The following ANKRD13C variants were observed in gnomAD, a reference collection of about 807,000 sequenced individuals.
ANKRD13C encodes ankyrin repeat domain 13C.
A neutral mutation model predicts 65.5 loss-of-function variants in ANKRD13C; 16 were observed. The observed-to-expected ratio is 0.24, with a 90% CI of 0.17 to 0.37. ANKRD13C has a LOEUF of 0.37. ANKRD13C is among the 10% of genes least tolerant of loss of function. The pLI, the probability that ANKRD13C is intolerant of heterozygous loss-of-function variation, is 1.00. For synonymous variants in ANKRD13C, 235 were observed against 238.7 expected (o/e 0.98, Z 0.14); for missense variants, 503 against 655.9 (o/e 0.77, Z 2.55).
At chr1:70,328,792 C>T (rs1008164999) in intron 2 of ANKRD13C, among the ~76,000 whole-genome samples, 1 of 152,000 alleles carries the variant, frequency 6.6e-6, no homozygotes, top group Non-Finnish European at 1.5e-5. Context: ...TTTTAACATG[C>T]ATTACCATAT....
At chr1:70,338,040 G>A (rs1462436783) in intron 1 of ANKRD13C, among the ~76,000 whole-genome samples, 2 of 151,914 alleles carry the variant, frequency 1.3e-5, no homozygotes, top group East Asian at 1.9e-4. Context: ...CGAAGGTTGC[G>A]GTGAACCAAG....
rs754971978 is a variant in ANKRD13C, at chr1:70,306,377, TTC to T, written c.710-89_710-88del. The T allele has an allele frequency of 3.1e-4, 234 of 745,118 alleles. 1 individual carries two copies. The highest frequency in any genetic ancestry group is 3.8e-4 in the Non-Finnish European group (178 of 470,006). 46.2% of individuals were successfully genotyped at this position (745,118 alleles called of 1,614,324 possible). ...TTTAAATTAAAAGAGTAATGTGACA[TTC>T]TGTTATCAAATTATAATAATTTCCT... is the stretch of plus-strand genomic sequence containing the variant. On this transcript the variant is annotated intron_variant, in intron 5 of 12. Coordinates refer to ENST00000370944, the MANE Select transcript of ANKRD13C (RefSeq NM_030816.5).
intron 1 of ANKRD13C, among the ~76,000 whole-genome samples, chr1:70,338,995 A>G (rs1050447352): frequency 6.6e-6 from 1 of 152,094 alleles, no homozygotes; most frequent in Non-Finnish European, 1.5e-5. Context: ...GCTGAAGTGA[A>G]CATCTCACTT....
intron 6 of ANKRD13C, among the ~76,000 whole-genome samples, chr1:70,304,752 GCCTA>G (rs1680517753): frequency 6.6e-6 from 1 of 152,010 alleles, no homozygotes; most frequent in African/African-American, 2.4e-5. Context: ...CTCCAAAATT[GCCTA>G]CCATCTTTGG....
intron 9 of ANKRD13C, among the ~76,000 whole-genome samples, chr1:70,291,348 C>T (rs1192000072): frequency 1.3e-5 from 2 of 151,972 alleles, no homozygotes; most frequent in African/African-American, 4.8e-5. Context: ...ATGAAGGTGT[C>T]CAAGAATTCT....
At chr1:70,300,588 C>CA (rs917262328) in intron 7 of ANKRD13C, among the ~76,000 whole-genome samples, 176 bp downstream of exon 7, 5 of 148,990 alleles carry the variant, frequency 3.4e-5, no homozygotes, top group African/African-American at 5.0e-5. Context: ...ACTCCAGTCT[C>CA]AAAAAAAAGA....
chr1:70,278,554 TA>T (rs1245489461), intron 9 of ANKRD13C, among the ~76,000 whole-genome samples: 1 of 151,440 alleles, frequency 6.6e-6, no homozygotes, highest in East Asian at 1.9e-4. Context: ...CCTCATAAAT[TA>T]AAAAAAAATT....
chr1:70,332,969 G>A (rs1198071800), intron 2 of ANKRD13C, among the ~76,000 whole-genome samples: 1 of 152,108 alleles, frequency 6.6e-6, no homozygotes, highest in African/African-American at 2.4e-5. Context: ...GCTAAATTAG[G>A]AAGGATTCCA....
rs1045154742 is a variant in ANKRD13C, at chr1:70,274,888, T to C, written c.1296-70A>G. 1.3e-5 allele frequency: 12 copies of C among 942,390 alleles called. No individual in the cohort carries two copies. The East Asian group carries it at 2.4e-4, about 19-fold the overall frequency. 58.4% of individuals were successfully genotyped at this position (942,390 alleles called of 1,614,324 possible). ...CTATCACCTTCCTAAGAAGCATCTGTCATCTTTCAATGACATTCATTAATA... is the reference window on the plus strand; with the variant it reads ...CTATCACCTTCCTAAGAAGCATCTGCCATCTTTCAATGACATTCATTAATA... On this transcript the variant is annotated intron_variant, in intron 10 of 12. Transcript: ENST00000370944.
intron 5 of ANKRD13C, among the ~76,000 whole-genome samples, chr1:70,308,058 T>C (rs549904009): frequency 1.3e-5 from 2 of 152,364 alleles, no homozygotes; most frequent in East Asian, 1.9e-4. Context: ...TGCTCATTAA[T>C]TGAGATCCAT....
At chr1:70,326,784 A>G (rs1044584652) in intron 2 of ANKRD13C, among the ~76,000 whole-genome samples, 1 of 152,120 alleles carries the variant, frequency 6.6e-6, no homozygotes, top group African/African-American at 2.4e-5. Context: ...AGTCATATCA[A>G]AAGTACAGAG....
intron 2 of ANKRD13C, among the ~76,000 whole-genome samples, chr1:70,328,031 C>T (rs1397945357): frequency 1.3e-5 from 2 of 151,842 alleles, no homozygotes; most frequent in Non-Finnish European, 2.9e-5. Context: ...TACCACTGAG[C>T]GAGACTCCGA....
intron 12 of ANKRD13C, among the ~76,000 whole-genome samples, chr1:70,266,848 T>C (rs1036722438): frequency 5.3e-5 from 8 of 152,206 alleles, no homozygotes; most frequent in East Asian, 1.9e-4. Flanking sequence ...GGTTTGTTTA[T>C]AGCCAATATG....
At chr1:70,307,030 T>G (rs1393097790) in intron 5 of ANKRD13C, among the ~76,000 whole-genome samples, 1 of 152,174 alleles carries the variant, frequency 6.6e-6, no homozygotes. Flanking sequence ...ATTCTTGAAA[T>G]TAAGACCATA....
chr1:70,264,574 C>T (rs1037351728), intron 12 of ANKRD13C, among the ~76,000 whole-genome samples: 1 of 149,862 alleles, frequency 6.7e-6, no homozygotes, highest in African/African-American at 2.4e-5. Context: ...CATTTACTTA[C>T]TATCTATGGC....
intron 7 of ANKRD13C, among the ~76,000 whole-genome samples, chr1:70,299,488 T>C (rs978740548): frequency 5.9e-5 from 9 of 152,188 alleles, no homozygotes. Flanking sequence ...AGGAAGATCA[T>C]TTATAAGACT....
chr1:70,311,116 T>G (rs1198756617), intron 5 of ANKRD13C, among the ~76,000 whole-genome samples: 1 of 152,218 alleles, frequency 6.6e-6, no homozygotes, highest in Non-Finnish European at 1.5e-5. Flanking sequence ...ACCTTAATCA[T>G]CCATGCCATA....
At chr1:70,353,907 T>C (rs1682867589) in intron 1 of ANKRD13C, 72 bp downstream of exon 1, 1 of 1,438,568 alleles carries the variant, frequency 7.0e-7, no homozygotes, top group Non-Finnish European at 9.2e-7. Flanking sequence ...GGGCCTAGGA[T>C]TCCAGAAGCC....
intron 3 of ANKRD13C, among the ~76,000 whole-genome samples, chr1:70,316,787 T>C (rs1033483432): frequency 1.3e-5 from 2 of 152,122 alleles, no homozygotes; most frequent in Admixed American, 1.3e-4. Context: ...AGAAAAAATA[T>C]TAGACTTGAA....
Sources: allele counts gnomAD v4.1 joint callset (sites outside exome capture counted in the v4.1 genomes callset), GRCh38; gene constraint gnomAD v4.1.1; transcripts MANE v1.5; gene names NCBI Gene and HGNC (gene_info 2026-07-23, HGNC 2026-07-21).